Variants in ZC3H12B observed in about 807,000 individuals in gnomAD.
ZC3H12B encodes the protein probable ribonuclease ZC3H12B.
Under a neutral mutation model 43.9 loss-of-function variants are expected in ZC3H12B, and 7 were observed. The ratio of observed to expected loss-of-function variants is 0.16; its 90% CI spans 0.09 to 0.30. The LOEUF (loss-of-function observed/expected upper bound fraction) is 0.30. ZC3H12B is among the 10% of genes least tolerant of loss of function. ZC3H12B has a pLI of 1.00. For synonymous variants in ZC3H12B, 222 were observed against 241.7 expected (o/e 0.92, Z 0.76); for missense variants, 475 against 670.2 (o/e 0.71, Z 3.22).
At chrX:65,199,777 A>AT in the ZC3H12B span, among the ~76,000 whole-genome samples, 6,472 of 92,582 alleles carry the variant, frequency 0.07, 193 homozygotes, top group Non-Finnish European at 0.1. Context: ...ACATGATCTC[A>AT]TTTTTTTTTT....
At chrX:65,446,461 T>G (rs1251418681) in intron 3 of ZC3H12B, among the ~76,000 whole-genome samples, 6 of 111,357 alleles carry the variant, frequency 5.4e-5, no homozygotes, top group Non-Finnish European at 1.1e-4. Flanking sequence ...CCTTTCAAAT[T>G]TATTTAGGAT....
intron 3 of ZC3H12B, among the ~76,000 whole-genome samples, chrX:65,434,840 G>A (rs2067201733): frequency 1.8e-5 from 2 of 111,323 alleles, no homozygotes; most frequent in East Asian, 2.8e-4. Context: ...AGGCAGTGCA[G>A]TTAGATCCCT....
the ZC3H12B span, among the ~76,000 whole-genome samples, chrX:65,249,431 A>G: frequency 2.7e-5 from 3 of 112,134 alleles, no homozygotes; most frequent in Admixed American, 1.9e-4. Flanking sequence ...GTACTTTTAT[A>G]CCAGTAACAT....
chrX:65,263,047 G>A, the ZC3H12B span, among the ~76,000 whole-genome samples: 2 of 110,813 alleles, frequency 1.8e-5, no homozygotes, highest in Non-Finnish European at 3.8e-5. Context: ...ATGACTTTGG[G>A]CAAATTCATT....
At chrX:65,128,811 T>G in the ZC3H12B span, among the ~76,000 whole-genome samples, 2 of 111,889 alleles carry the variant, frequency 1.8e-5, no homozygotes, top group Admixed American at 9.5e-5. Flanking sequence ...CTCCTTTGTC[T>G]CTCATATTTT....
the ZC3H12B span, among the ~76,000 whole-genome samples, chrX:65,159,758 T>C: frequency 8.9e-6 from 1 of 112,007 alleles, no homozygotes; most frequent in Non-Finnish European, 1.9e-5. Context: ...CTTTATTTCC[T>C]TCTCTTGCCT....
the ZC3H12B span, among the ~76,000 whole-genome samples, chrX:65,159,384 T>C: frequency 0.016 from 1,807 of 112,037 alleles, 53 homozygotes; most frequent in African/African-American, 0.056. Flanking sequence ...ATGGTATTGA[T>C]TCTTCCTACC....
At chrX:65,478,576 C>G (rs2068025760) in intron 3 of ZC3H12B, among the ~76,000 whole-genome samples, 1 of 112,343 alleles carries the variant, frequency 8.9e-6, no homozygotes, top group Non-Finnish European at 1.9e-5. Context: ...CCACTGACAT[C>G]TCTTCTTGGA....
chrX:65,428,671 C>G (rs1040500773), intron 3 of ZC3H12B, among the ~76,000 whole-genome samples: 1 of 112,168 alleles, frequency 8.9e-6, no homozygotes, highest in Non-Finnish European at 1.9e-5. Context: ...TATCATGACT[C>G]TTAGCTTCCA....
At chrX:65,137,864 T>C in the ZC3H12B span, among the ~76,000 whole-genome samples, 5 of 112,967 alleles carry the variant, frequency 4.4e-5, no homozygotes, top group Non-Finnish European at 9.4e-5. Context: ...AGTCTCGCTC[T>C]ATTGCCCAGG....
At chrX:65,379,273 C>G (rs71563008) in intron 2 of ZC3H12B, among the ~76,000 whole-genome samples, 1 of 111,909 alleles carries the variant, frequency 8.9e-6, no homozygotes, top group Non-Finnish European at 1.9e-5. Context: ...AAAGGGCAGA[C>G]TGCCTCCTCA....
intron 3 of ZC3H12B, among the ~76,000 whole-genome samples, chrX:65,435,455 C>T (rs1220701145): frequency 9.0e-6 from 1 of 111,706 alleles, no homozygotes; most frequent in African/African-American, 3.3e-5. Context: ...ATACAATGGA[C>T]AATCAGTGCT....
At chrX:65,392,387 C>G (rs1443051186) in intron 2 of ZC3H12B, among the ~76,000 whole-genome samples, 2 of 111,056 alleles carry the variant, frequency 1.8e-5, no homozygotes, top group Non-Finnish European at 3.8e-5. Context: ...GCAACCCCAT[C>G]TGGGAACTGA....
the ZC3H12B span, among the ~76,000 whole-genome samples, chrX:65,228,530 C>A: frequency 1.8e-5 from 2 of 110,569 alleles, no homozygotes; most frequent in Admixed American, 9.6e-5. Context: ...GAAGTTCTGG[C>A]CAGGGCAATT....
At chrX:65,389,249 T>G (rs2066576296) in intron 2 of ZC3H12B, among the ~76,000 whole-genome samples, 1 of 111,813 alleles carries the variant, frequency 8.9e-6, no homozygotes, top group South Asian at 3.7e-4. Context: ...GTCTACAGAG[T>G]CAGGCAGGCC....
chrX:65,312,803 C>A, the ZC3H12B span, among the ~76,000 whole-genome samples: 1 of 111,945 alleles, frequency 8.9e-6, no homozygotes, highest in African/African-American at 3.2e-5. Flanking sequence ...GGACACTTAT[C>A]CCTCTCCTGA....
the ZC3H12B span, among the ~76,000 whole-genome samples, chrX:65,216,574 C>T: frequency 2.4e-4 from 27 of 111,446 alleles, no homozygotes; most frequent in African/African-American, 4.2e-4. Context: ...AGCCCTGGTA[C>T]GGCATTGGTC....
At chrX:65,179,767 T>C in the ZC3H12B span, among the ~76,000 whole-genome samples, 1 of 111,865 alleles carries the variant, frequency 8.9e-6, no homozygotes, top group Non-Finnish European at 1.9e-5. Flanking sequence ...GAGAAATGGA[T>C]AAATATCTGG....
the ZC3H12B span, among the ~76,000 whole-genome samples, chrX:65,214,004 A>C: frequency 9.0e-6 from 1 of 111,399 alleles, no homozygotes; most frequent in Non-Finnish European, 1.9e-5. Context: ...TTATGTTTAC[A>C]CAATATGGTG....
Sources: gnomAD v4.1 joint callset for allele counts (sites outside exome capture counted in the v4.1 genomes callset) on GRCh38, gnomAD v4.1.1 for gene constraint, MANE v1.5 for transcripts, NCBI Gene and HGNC (gene_info 2026-07-23, HGNC 2026-07-21) for gene names.